PPARA: variants seen among roughly 807,000 people sequenced by gnomAD.
PPARA encodes the protein peroxisome proliferator-activated receptor alpha.
In PPARA, 22 loss-of-function variants were observed where a neutral mutation model predicts 42.2. The observed-to-expected ratio is 0.52, with a 90% CI of 0.37 to 0.74. The LOEUF is 0.74. Among genes scored for constraint, PPARA ranks in the 30% least tolerant of loss-of-function variants. The pLI, the probability that PPARA is intolerant of heterozygous loss-of-function variation, is 0.00. For synonymous variants in PPARA, 242 were observed against 239.3 expected, an observed-to-expected ratio of 1.01 and a Z score of -0.10; for missense variants, 465 against 608.2, an observed-to-expected ratio of 0.76 and a Z score of 2.48.
At chr22:46,226,953 A>G (rs1935509055) in intron 7 of PPARA, among the ~76,000 whole-genome samples, 1 of 152,114 alleles carries the variant, frequency 6.6e-6, no homozygotes, top group Admixed American at 6.6e-5. Flanking sequence ...CCAGTTTTGA[A>G]AGAGGAATTC....
At position 46,195,183 on chromosome 22, in the gene PPARA, G is replaced by A. The variant is rs1179258561; in HGVS notation, c.-42-3159G>A. 2.0e-5 allele frequency among the ~76,000 whole-genome samples: 3 copies of A among 152,164 alleles called. No homozygotes were observed. Among genetic ancestry groups the A allele is most frequent in the Non-Finnish European group, 4.4e-5 (3 of 68,022 alleles). On this transcript the variant is annotated intron_variant, in intron 3 of 8. Coordinates refer to ENST00000407236, the MANE Select transcript of PPARA (RefSeq NM_005036.6). This position sits in a 1 kb window ranked among gnomAD's most constrained non-coding sequence, Gnocchi z 4.6. ...CTCCCAAAGTGCTGGGATTACAGGT[G>A]TGAGCCACCATGCCCGGCCCCAGCT...
chr22:46,166,333 TC>T (rs1190928356), intron 2 of PPARA, among the ~76,000 whole-genome samples: 2 of 151,736 alleles, frequency 1.3e-5, no homozygotes, highest in Non-Finnish European at 2.9e-5. Context: ...AGTGGATACA[TC>T]AGGCCAGGTG....
Position 46,173,940 on chromosome 22 carries a change from C to G in PPARA, c.-126-2813C>G, listed in dbSNP as rs1003380997. Among the ~76,000 whole-genome samples, 1 of 151,454 alleles carries G rather than the reference C, an allele frequency of 6.6e-6. No individual in the cohort carries two copies. On this transcript the variant is annotated intron_variant, in intron 2 of 8. Transcript: ENST00000407236. This position sits in a 1 kb window ranked among gnomAD's most constrained non-coding sequence, Gnocchi z 4.3. ...AAATTATGGGCTAGGTGCAGTGGCT[C>G]ATGCCTGTAATCCCAGCACTTTGGG...
rs1332102505 is a variant in PPARA at position 46,156,982 on chromosome 22, G to A, written c.-127+5012G>A. 6.6e-6 allele frequency among the ~76,000 whole-genome samples: 1 copy of A among 152,128 alleles called. No individual in the cohort carries two copies. The highest frequency in any genetic ancestry group is 1.5e-5 in the Non-Finnish European group (1 of 68,012). ...TGTTTGCTCTTACTCCAACTCCATG[G>A]CATACCTGGACCAGGCCTCTTCATC... On this transcript the variant is annotated intron_variant, in intron 2 of 8. Coordinates refer to ENST00000407236, the MANE Select transcript of PPARA (RefSeq NM_005036.6). The surrounding 1 kb of genome is among the most constrained non-coding windows in gnomAD (Gnocchi z 5.2).
intron 2 of PPARA, among the ~76,000 whole-genome samples, chr22:46,166,928 A>G (rs1255480150): frequency 2.0e-5 from 3 of 152,224 alleles, no homozygotes; most frequent in African/African-American, 7.2e-5. Flanking sequence ...TTGCTAAAAT[A>G]ACTTTGAAAA....
In PPARA at chr22:46,171,500, G is replaced by T. The variant is rs1200106344; in HGVS notation, c.-126-5253G>T. 1 of 152,776 alleles carries T rather than the reference G, an allele frequency of 6.5e-6. No homozygotes were observed. The highest frequency in any genetic ancestry group is 1.9e-4 in the East Asian group (1 of 5,206). The allele number at this position is 152,776 out of a possible 1,614,324, so 9.5% of individuals were successfully genotyped here. A position where few individuals can be genotyped will look rare whatever the true frequency, so the allele number is the denominator to read the frequency against. On this transcript the variant is annotated intron_variant, in intron 2 of 8. Coordinates refer to ENST00000407236, the MANE Select transcript of PPARA (RefSeq NM_005036.6). The surrounding 1 kb of genome is among the most constrained non-coding windows in gnomAD (Gnocchi z 5.0). ...GGAGCAAGCCCAGGACAGGTGAGTG[G>T]GTCAAGGGTGCCAGAAGGGGTGAGG...
chr22:46,205,034 AT>A (rs879414551), intron 4 of PPARA, among the ~76,000 whole-genome samples: 162 of 143,614 alleles, frequency 1.1e-3, no homozygotes, highest in Admixed American at 9.8e-4. Context: ...TGCTTGGCTA[AT>A]TTTTTTTTTT....
rs1431792731 is a variant in PPARA at position 46,167,965 on chromosome 22, C to A, written c.-126-8788C>A. On this transcript the variant is annotated intron_variant, in intron 2 of 8. Transcript: ENST00000407236. The surrounding 1 kb of genome is among the most constrained non-coding windows in gnomAD (Gnocchi z 4.1). Reference sequence around the variant, plus strand: ...ACTCACGAAGCTGAGGCAGGAGGATCACTTGAGCCCAGGAGTTGAAGCTTG... The same window carrying A: ...ACTCACGAAGCTGAGGCAGGAGGATAACTTGAGCCCAGGAGTTGAAGCTTG... Among the ~76,000 whole-genome samples the A allele has an allele frequency of 6.6e-6, 1 of 151,532 alleles. No homozygotes were observed. The highest frequency in any genetic ancestry group is 1.5e-5 in the Non-Finnish European group (1 of 67,872).
chr22:46,184,251 G>A lies in PPARA; in HGVS notation c.-43+7415G>A, dbSNP rs1004142214. ...ATTAAACACAAGCAACCTGCAACACGCCACTGCAAGTTGGATGTCTAGAAA... is the reference window on the plus strand; with the variant it reads ...ATTAAACACAAGCAACCTGCAACACACCACTGCAAGTTGGATGTCTAGAAA... On this transcript the variant is annotated intron_variant, in intron 3 of 8. Transcript: ENST00000407236. This position sits in a 1 kb window ranked among gnomAD's most constrained non-coding sequence, Gnocchi z 4.4. Among the ~76,000 whole-genome samples the A allele has an allele frequency of 2.0e-5, 3 of 152,098 alleles. No homozygotes were observed. Among genetic ancestry groups the A allele is most frequent in the Non-Finnish European group, 4.4e-5 (3 of 68,024 alleles).
chr22:46,205,547 TATATATA>T (rs1235489132), intron 4 of PPARA, among the ~76,000 whole-genome samples: 24 of 37,064 alleles, frequency 6.5e-4, no homozygotes, highest in African/African-American at 1.2e-3. Context: ...TATATATATA[TATATATA>T]TTTTTTTTTT....
Position 46,232,241 on chromosome 22 carries a change from T to TG in PPARA, c.1159+3dup. ...TGGCTGCTATCATTTGCTGTGGAGG[T>TG]GAGTGGTTGATTTAATCTGCTGGTA... On this transcript the variant is annotated splice_region_variant and intron_variant, in intron 8 of 8. Coordinates refer to ENST00000407236, the MANE Select transcript of PPARA (RefSeq NM_005036.6). The surrounding 1 kb of genome is among the most constrained non-coding windows in gnomAD (Gnocchi z 5.3). 1 of 1,613,348 alleles carries TG rather than the reference T, an allele frequency of 6.2e-7. No individual in the cohort carries two copies. The highest frequency in any genetic ancestry group is 8.5e-7 in the Non-Finnish European group (1 of 1,179,766).
chr22:46,159,302 A>G (rs1925795041), intron 2 of PPARA, among the ~76,000 whole-genome samples: 1 of 152,234 alleles, frequency 6.6e-6, no homozygotes, highest in Non-Finnish European at 1.5e-5. Context: ...CTTAGTATGT[A>G]AAAGTTTTTT....
At chr22:46,214,682 G>A (rs1934290954) in intron 4 of PPARA, among the ~76,000 whole-genome samples, 1 of 149,996 alleles carries the variant, frequency 6.7e-6, no homozygotes, top group East Asian at 2.0e-4. Flanking sequence ...GCGCGGGTCC[G>A]GAGATGCGTG....
chr22:46,158,990 A>G (rs1601597273), intron 2 of PPARA, among the ~76,000 whole-genome samples: 1 of 152,112 alleles, frequency 6.6e-6, no homozygotes, highest in African/African-American at 2.4e-5. Flanking sequence ...CCGGGGTTCC[A>G]GTGGTTCTCC....
rs1240941183 is a variant in PPARA, at chr22:46,225,776, TAAAC to T, written c.711+5764_711+5767del. ...ACTCACACATCCATGCATGCACGTG[TAAAC>T]ACACACACCCCCACACATACACGTG... On this transcript the variant is annotated intron_variant, in intron 7 of 8. Coordinates refer to ENST00000407236, the MANE Select transcript of PPARA (RefSeq NM_005036.6). This position sits in a 1 kb window ranked among gnomAD's most constrained non-coding sequence, Gnocchi z 4.1. Among the ~76,000 whole-genome samples the T allele has an allele frequency of 6.7e-6, 1 of 148,840 alleles. No individual in the cohort carries two copies. The highest frequency in any genetic ancestry group is 1.5e-5 in the Non-Finnish European group (1 of 67,278).
rs1931184885 is a variant in PPARA at position 46,188,947 on chromosome 22, G to A, written c.-42-9395G>A. 1 of 152,262 alleles carries A rather than the reference G, an allele frequency of 6.6e-6. No homozygotes were observed. Among genetic ancestry groups the A allele is most frequent in the Non-Finnish European group, 1.5e-5 (1 of 68,056 alleles). The allele number at this position is 152,262 out of a possible 1,614,324, so 9.4% of individuals were successfully genotyped here. ...GCTCTGAAATGTCATCGTTAGTTGT[G>A]TGTCACTTCAGTTTTGTAACTGGCC... is the stretch of plus-strand genomic sequence containing the variant. On this transcript the variant is annotated intron_variant, in intron 3 of 8. Coordinates refer to ENST00000407236, the MANE Select transcript of PPARA (RefSeq NM_005036.6). The surrounding 1 kb of genome is among the most constrained non-coding windows in gnomAD (Gnocchi z 5.0).
At chr22:46,186,716 A>G (rs1236539357) in intron 3 of PPARA, among the ~76,000 whole-genome samples, 1 of 152,154 alleles carries the variant, frequency 6.6e-6, no homozygotes, top group Non-Finnish European at 1.5e-5. Flanking sequence ...CTGTCTCAAA[A>G]AAAATAAATA....
chr22:46,202,579 A>G (rs1932892426), intron 4 of PPARA, among the ~76,000 whole-genome samples: 1 of 152,152 alleles, frequency 6.6e-6, no homozygotes, highest in South Asian at 2.1e-4. Flanking sequence ...TCTACTAAAA[A>G]TAAAAAAAAT....
chr22:46,201,249 C>T lies in PPARA; in HGVS notation c.208+2658C>T, dbSNP rs571231539. On this transcript the variant is annotated intron_variant, in intron 4 of 8. Transcript: ENST00000407236. ...GCTATTCTCTGCATGCTGGCATGATCGCGCCTTGTAAAAGGTGGCAGTGTT... is the reference window on the plus strand; with the variant it reads ...GCTATTCTCTGCATGCTGGCATGATTGCGCCTTGTAAAAGGTGGCAGTGTT... Among the ~76,000 whole-genome samples, 18 of 152,152 alleles carry T rather than the reference C, an allele frequency of 1.2e-4. No individual in the cohort carries two copies. The East Asian group carries it at 2.1e-3, about 18-fold the overall frequency.
Sources: allele counts gnomAD v4.1 joint callset (sites outside exome capture counted in the v4.1 genomes callset), GRCh38; gene constraint gnomAD v4.1.1; non-coding constraint Gnocchi (gnomAD v3.1); transcripts MANE v1.5; gene names NCBI Gene and HGNC (gene_info 2026-07-23, HGNC 2026-07-21).